AP4B1: variants seen among roughly 807,000 people sequenced by gnomAD.
The protein encoded by AP4B1 is AP-4 complex subunit beta-1.
Under a neutral mutation model 76.5 loss-of-function variants are expected in AP4B1, and 49 were observed. That is an observed-to-expected ratio of 0.64 (90% CI 0.51 to 0.81). The LOEUF is 0.81. AP4B1 is among the 40% of genes least tolerant of loss of function. The pLI, the probability that AP4B1 is intolerant of heterozygous loss-of-function variation, is 0.00. For synonymous variants in AP4B1, 330 were observed against 333.3 expected (o/e 0.99, Z 0.11); for missense variants, 911 against 904.9 (o/e 1.01, Z -0.09).
In AP4B1 at chr1:113,894,434, T is replaced by TA. The variant is rs1667262258; in HGVS notation, c.*630dup. Among the ~76,000 whole-genome samples the TA allele has an allele frequency of 6.6e-6, 1 of 152,100 alleles. No homozygotes were observed. The highest frequency in any genetic ancestry group is 1.5e-5 in the Non-Finnish European group (1 of 68,034). On this transcript the variant is annotated 3_prime_UTR_variant, in exon 10 of 10. Coordinates refer to ENST00000369569, the MANE Select transcript of AP4B1 (RefSeq NM_001253852.3). The stretch of plus-strand genomic sequence containing the variant: ...TATGAGTGAGCTGAACACTGAAAGA[T>TA]AGACGAGGTGTTAATTCAAGAAGAT...
chr1:113,901,281 C>G lies in AP4B1; in HGVS notation c.572G>C (p.Gly191Ala). 1 of 1,614,132 alleles carries G rather than the reference C, an allele frequency of 6.2e-7. No homozygotes were observed. The highest frequency in any genetic ancestry group is 8.5e-7 in the Non-Finnish European group (1 of 1,180,032). Residue 191 changes from glycine (G) to alanine (A), a missense_variant, in exon 4 of 10, where the codon GGA (glycine) becomes GCA (alanine). By Grantham distance (60) the Gly-to-Ala change is moderately conservative (BLOSUM62 0). Transcript: ENST00000369569. ...RSLEEILKQE[G>A]GVVINKPIAH... Reference sequence around the variant, plus strand: ...AATGGGCTTATTGATGACAACGCCTCCTTCCTGTTTCAGAATTTCCTCTAG... The same window carrying G: ...AATGGGCTTATTGATGACAACGCCTGCTTCCTGTTTCAGAATTTCCTCTAG...
Position 113,904,757 on chromosome 1 carries a change from G to A in AP4B1, c.-40C>T, listed in dbSNP as rs1668761294. The A allele has an allele frequency of 2.0e-6, 3 of 1,536,414 alleles. No individual in the cohort carries two copies. Among genetic ancestry groups the A allele is most frequent in the Non-Finnish European group, 2.7e-6 (3 of 1,110,976 alleles). On this transcript the variant is annotated 5_prime_UTR_variant, in exon 1 of 10. Coordinates refer to ENST00000369569, the MANE Select transcript of AP4B1 (RefSeq NM_001253852.3). The stretch of plus-strand genomic sequence containing the variant: ...CAGGGCAGCTCCCACAGCTCCCACG[G>A]TAACTCGAGGGCTCCTTCTCGTCCT...
intron 1 of AP4B1, 99 bp from the exon 2 acceptor site, chr1:113,902,961 G>A (rs1382236021): frequency 9.3e-7 from 1 of 1,077,260 alleles, no homozygotes; most frequent in East Asian, 2.4e-5. Context: ...CAACTAGATT[G>A]TGATCTCTTA....
At position 113,897,142 on chromosome 1, in the gene AP4B1, C is replaced by CAAA. The variant is rs5777170; in HGVS notation, c.1303-680_1303-678dup. ...TGGGCAACAGAGCTAGACTCTGTTTCAAAAAAAAAAAAAAAGTTATCTGTC... is the reference window on the plus strand; with the variant it reads ...TGGGCAACAGAGCTAGACTCTGTTTCAAAAAAAAAAAAAAAAAAGTTATCTGTC... On this transcript the variant is annotated intron_variant, in intron 7 of 9. Coordinates refer to ENST00000369569, the MANE Select transcript of AP4B1 (RefSeq NM_001253852.3). 55 of 115,088 alleles carry CAAA rather than the reference C, an allele frequency of 4.8e-4. 1 individual carries two copies. Among genetic ancestry groups the CAAA allele is most frequent in the East Asian group, 3.3e-3 (13 of 3,922 alleles). 7.1% of individuals were successfully genotyped at this position (115,088 alleles called of 1,614,324 possible). A position where few individuals can be genotyped will look rare whatever the true frequency, so the allele number is the denominator to read the frequency against.
At chr1:113,895,636 C>T (rs1290554464) in intron 9 of AP4B1, 121 bp downstream of exon 9, 8 of 1,541,828 alleles carry the variant, frequency 5.2e-6, no homozygotes, top group Non-Finnish European at 7.1e-6. Flanking sequence ...CTTTCTTGCT[C>T]ACAAATGCTT....
chr1:113,901,183 G>T (rs1355743659), intron 4 of AP4B1, 53 bp downstream of exon 4: 2 of 1,603,812 alleles, frequency 1.2e-6, no homozygotes, highest in Admixed American at 3.3e-5. Flanking sequence ...ACATCAACAA[G>T]ATCCCACAAG....
At chr1:113,898,683 A>C (rs556210584) in intron 6 of AP4B1, 35 bp downstream of exon 6, 130 of 1,557,014 alleles carry the variant, frequency 8.3e-5, no homozygotes, top group East Asian at 3.8e-4. Flanking sequence ...GGCACCTGAC[A>C]AAAAAAACAA....
chr1:113,897,625 C>T lies in AP4B1; in HGVS notation c.1302+215G>A, dbSNP rs1667656410. ...AACAAAACAGAACTGTTCAAGAGAACAATGGTATCACAGTTTTGTAATAAA... is the reference window on the plus strand; with the variant it reads ...AACAAAACAGAACTGTTCAAGAGAATAATGGTATCACAGTTTTGTAATAAA... On this transcript the variant is annotated intron_variant, in intron 7 of 9. Transcript: ENST00000369569. The T allele has an allele frequency of 1.2e-5, 7 of 606,576 alleles. No individual in the cohort carries two copies. In the South Asian group the frequency reaches 1.2e-4, roughly 10 times the overall value. 37.6% of individuals were successfully genotyped at this position (606,576 alleles called of 1,614,324 possible). A position where few individuals can be genotyped will look rare whatever the true frequency, so the allele number is the denominator to read the frequency against.
At chr1:113,896,490 A>G (rs754093742) in intron 7 of AP4B1, 25 bp from the exon 8 acceptor site, 1 of 1,610,084 alleles carries the variant, frequency 6.2e-7, no homozygotes, top group South Asian at 1.1e-5. Context: ...AATAAGAGCA[A>G]GTGCTCAACA....
intron 1 of AP4B1, among the ~76,000 whole-genome samples, chr1:113,903,665 T>C (rs1438769029): frequency 2.0e-5 from 3 of 152,204 alleles, no homozygotes; most frequent in Non-Finnish European, 4.4e-5. Context: ...ACTAGGCAGA[T>C]GTAATAGCAA....
chr1:113,902,963 G>C, intron 1 of AP4B1, 101 bp from the exon 2 acceptor site: 1 of 1,041,900 alleles, frequency 9.6e-7, no homozygotes, highest in Non-Finnish European at 1.5e-6. Flanking sequence ...ACTAGATTGT[G>C]ATCTCTTAGA....
In AP4B1 at chr1:113,901,790, G is replaced by A. The variant is rs1425933068; in HGVS notation, c.434C>T (p.Ala145Val). 11 of 1,614,060 alleles carry A rather than the reference G, an allele frequency of 6.8e-6. No homozygotes were observed. Among genetic ancestry groups the A allele is most frequent in the Non-Finnish European group, 9.3e-6 (11 of 1,180,012 alleles). ...YVRRVAVLGC[A>V]KMHNLHGDSE... is the part of the protein sequence containing the mutation. ...GTCTCCATGAAGATTATGCATCTTG[G>A]CACATCCAAGGACTGCCACTCTCCT... The change falls in exon 3 of 10, where the codon GCC (alanine) becomes GTC (valine). Residue 145 changes from alanine to valine, a missense_variant. Transcript: ENST00000369569.
Position 113,897,917 on chromosome 1 carries a change from C to T in AP4B1, c.1225G>A (p.Val409Ile). The change falls in exon 7 of 10, where the codon GTT becomes ATT. Residue 409 changes from valine (V) to isoleucine (I), a missense_variant. By Grantham distance (29) the Val-to-Ile change is conservative. Transcript: ENST00000369569. ...TVVVQTFRDLVWLCPQCTEAV... is the reference protein window; with the variant it reads ...TVVVQTFRDLIWLCPQCTEAV... ...TCAGTACACTGAGGACACAACCAAACCAGGTCTCGGAAAGTCTGCACCACC... is the reference window on the plus strand; with the variant it reads ...TCAGTACACTGAGGACACAACCAAATCAGGTCTCGGAAAGTCTGCACCACC... 1.9e-6 allele frequency: 3 copies of T among 1,614,088 alleles called. No individual in the cohort carries two copies. Among genetic ancestry groups the T allele is most frequent in the Middle Eastern group, 1.6e-4 (1 of 6,062 alleles).
At chr1:113,902,187 G>A (rs1000235220) in intron 2 of AP4B1, 8 of 423,680 alleles carry the variant, frequency 1.9e-5, no homozygotes, top group East Asian at 1.6e-4. Flanking sequence ...CTACAGGTGC[G>A]TGTCACCATG....
intron 3 of AP4B1, 83 bp downstream of exon 3, chr1:113,901,672 A>AT: frequency 6.3e-7 from 1 of 1,576,258 alleles, no homozygotes. Context: ...CCACATTATT[A>AT]TTTTCTACCA....
At position 113,902,778 on chromosome 1, in the gene AP4B1, C is replaced by G. The variant is rs374241047; in HGVS notation, c.198G>C (p.Lys66Asn). The G allele has an allele frequency of 8.7e-6, 14 of 1,614,122 alleles. No individual in the cohort carries two copies. The highest frequency in any genetic ancestry group is 1.2e-5 in the Non-Finnish European group (14 of 1,180,050). ...ASATVDIVQKKLVYLYMCTYA... is the reference protein window; with the variant it reads ...ASATVDIVQKNLVYLYMCTYA... Reference sequence around the variant, plus strand: ...ATGTGCACATGTACAGATAAACCAACTTCTTCTGGACAATATCTACAGTGG... The same window carrying G: ...ATGTGCACATGTACAGATAAACCAAGTTCTTCTGGACAATATCTACAGTGG... Residue 66 changes from lysine to asparagine, a missense_variant, in exon 2 of 10, where the codon AAG (lysine) becomes AAC (asparagine). By Grantham distance (94) the Lys-to-Asn change is moderately conservative (BLOSUM62 0). Coordinates refer to ENST00000369569, the MANE Select transcript of AP4B1 (RefSeq NM_001253852.3).
chr1:113,904,484 A>C, intron 1 of AP4B1, 121 bp downstream of exon 1: 1 of 922,334 alleles, frequency 1.1e-6, no homozygotes, highest in Non-Finnish European at 1.8e-6. Context: ...CAGGACGAAG[A>C]CCGAACCATA....
At chr1:113,902,603 G>T in intron 2 of AP4B1, 35 bp downstream of exon 2, 1 of 1,594,182 alleles carries the variant, frequency 6.3e-7, no homozygotes, top group Non-Finnish European at 8.6e-7. Context: ...GAATTCATCA[G>T]CCATTTAGGA....
chr1:113,898,105 G>T, intron 6 of AP4B1, 162 bp from the exon 7 acceptor site: 1 of 1,359,974 alleles, frequency 7.4e-7, no homozygotes, highest in Non-Finnish European at 9.9e-7. Context: ...AATGAAATAA[G>T]CAATAATTTC....
Sources: gnomAD v4.1 joint callset for allele counts (sites outside exome capture counted in the v4.1 genomes callset) on GRCh38, gnomAD v4.1.1 for gene constraint, MANE v1.5 for transcripts, NCBI Gene and HGNC (gene_info 2026-07-23, HGNC 2026-07-21) for gene names.